Variants in PHEX observed in about 807,000 individuals in gnomAD.
PHEX encodes the protein phosphate regulating endopeptidase X-linked, also known as phosphate-regulating neutral endopeptidase PHEX.
Under a neutral mutation model 68.0 loss-of-function variants are expected in PHEX, and 16 were observed. The observed-to-expected ratio is 0.24, with a 90% CI of 0.16 to 0.36. The LOEUF (loss-of-function observed/expected upper bound fraction) is 0.36, where lower values mean the gene tolerates loss of function less well. Among genes scored for constraint, PHEX ranks in the 10% least tolerant of loss-of-function variants. The pLI, the probability that PHEX is intolerant of heterozygous loss-of-function variation, is 1.00. For missense variants in PHEX, 480 were observed against 575.5 expected (o/e 0.83, Z 1.70); for synonymous variants, 208 against 205.1 (o/e 1.01, Z -0.12).
intron 20 of PHEX, among the ~76,000 whole-genome samples, chrX:22,235,725 C>A (rs760314035): frequency 1.8e-5 from 2 of 111,033 alleles, no homozygotes; most frequent in African/African-American, 6.6e-5. Context: ...TCCCCATTAC[C>A]CTATCTTATC....
Position 22,071,482 on chromosome X carries a change from G to A in PHEX, c.350-4906G>A, listed in dbSNP as rs747459211. ...TTCCTTGTCAGGAATTCAACTCAGC[G>A]AACATTCACTAAGCACCAGCCATGC... On this transcript the variant is annotated intron_variant, in intron 3 of 21. Transcript: ENST00000379374. Among the ~76,000 whole-genome samples the A allele has an allele frequency of 2.1e-4, 23 of 111,654 alleles. No individual in the cohort carries two copies. In the East Asian group the frequency reaches 5.6e-3, roughly 27 times the overall value.
intron 3 of PHEX, among the ~76,000 whole-genome samples, chrX:22,055,859 C>T (rs1190575564): frequency 8.9e-6 from 1 of 112,183 alleles, no homozygotes; most frequent in African/African-American, 3.2e-5. Context: ...CGCTCCCAGA[C>T]AGGTTTTCTT....
chrX:22,244,275 GCC>G (rs1936322094), intron 20 of PHEX, among the ~76,000 whole-genome samples: 1 of 110,607 alleles, frequency 9.0e-6, no homozygotes, highest in African/African-American at 3.3e-5. Flanking sequence ...ACACACCAGG[GCC>G]TGTCCAGGGG....
chrX:22,119,596 CTTT>C (rs774763952), intron 11 of PHEX, among the ~76,000 whole-genome samples: 1 of 98,904 alleles, frequency 1.0e-5, no homozygotes, highest in Non-Finnish European at 2.1e-5. Context: ...TTTTCTTTTT[CTTT>C]TTTTTTTTTT....
intron 18 of PHEX, among the ~76,000 whole-genome samples, chrX:22,224,993 G>GATTTATTATCATACAGCGC: frequency 1.6e-3 from 161 of 98,941 alleles, no homozygotes; most frequent in Admixed American, 1.9e-3. Context: ...AGCTCTGTAT[G>GATTTATTATCATACAGCGC]TCAGAAGTCT....
At chrX:22,188,271 A>G (rs146625098) in intron 14 of PHEX, among the ~76,000 whole-genome samples, 1,810 of 110,963 alleles carry the variant, frequency 0.016, 39 homozygotes, top group African/African-American at 0.057. Context: ...TTTTCTTTTT[A>G]ATTTTTTTAG....
chrX:22,142,946 C>A (rs1424022328), intron 12 of PHEX, among the ~76,000 whole-genome samples: 1 of 112,538 alleles, frequency 8.9e-6, no homozygotes, highest in African/African-American at 3.2e-5. Flanking sequence ...TACCTAAGTG[C>A]AGATTATATC....
intron 15 of PHEX, among the ~76,000 whole-genome samples, chrX:22,192,312 CA>C (rs1934223779): frequency 9.0e-6 from 1 of 111,631 alleles, no homozygotes; most frequent in Non-Finnish European, 1.9e-5. Flanking sequence ...TACTATCTCC[CA>C]CCTGGATTAT....
Position 22,177,576 on chromosome X carries a change from T to A in PHEX, c.1483-697T>A. Reference sequence around the variant, plus strand: ...TAAAAAAGCAATTATGTCTGTTTCCTTGTCTTAATAGACAACATTGTTGTG... The same window carrying A: ...TAAAAAAGCAATTATGTCTGTTTCCATGTCTTAATAGACAACATTGTTGTG... On this transcript the variant is annotated intron_variant, in intron 13 of 21. Transcript: ENST00000379374. 2.7e-5 allele frequency among the ~76,000 whole-genome samples: 3 copies of A among 112,145 alleles called. No homozygotes were observed. The Middle Eastern group carries it at 0.014, about 517-fold the overall frequency.
intron 2 of PHEX, among the ~76,000 whole-genome samples, chrX:22,040,088 T>C (rs935879482): frequency 3.6e-5 from 4 of 111,800 alleles, no homozygotes; most frequent in African/African-American, 1.3e-4. Context: ...CCCTCCTAAA[T>C]CAGTGTTAGG....
In PHEX at chrX:22,032,371, T is replaced by C. The variant is rs1926840793; in HGVS notation, c.-635T>C. The C allele has an allele frequency of 8.8e-6, 1 of 113,870 alleles. No homozygotes were observed. Among genetic ancestry groups the C allele is most frequent in the African/African-American group, 3.3e-5 (1 of 30,542 alleles). The allele number at this position is 113,870 out of a possible 1,213,427, so 9.4% of individuals were successfully genotyped here. ...TGGACTATGACTGATTTTTGGCACA[T>C]GCTATCATACACAAAGTTCCTGAAA... On this transcript the variant is annotated 5_prime_UTR_variant, in exon 1 of 22. An upstream start codon of the reference 5' UTR is lost. Coordinates refer to ENST00000379374, the MANE Select transcript of PHEX (RefSeq NM_000444.6).
intron 3 of PHEX, among the ~76,000 whole-genome samples, chrX:22,067,772 C>T (rs1420896437): frequency 2.7e-5 from 3 of 111,065 alleles, no homozygotes; most frequent in African/African-American, 9.8e-5. Context: ...CCCAGACCTA[C>T]TGAATTAGAC....
chrX:22,221,658 C>T lies in PHEX; in HGVS notation c.1814C>T (p.Thr605Ile), dbSNP rs1344761290. 2.5e-6 allele frequency: 3 copies of T among 1,198,524 alleles called. No individual in the cohort carries two copies. Among genetic ancestry groups the T allele is most frequent in the Admixed American group, 2.2e-5 (1 of 46,021 alleles). The change falls in exon 18 of 22, where the codon ACT becomes ATT. Residue 605 changes from threonine (T) to isoleucine (I), a missense_variant. Transcript: ENST00000379374. Reference protein sequence around the residue: ...KNGNLDPWWSTESEEKFKEKT... With the variant: ...KNGNLDPWWSIESEEKFKEKT... The stretch of plus-strand genomic sequence containing the variant: ...GGAAACCTGGATCCTTGGTGGTCTA[C>T]TGAATCAGAAGAAAAGTTTAAGGAA...
At chrX:22,217,131 G>A (rs1443390479) in intron 16 of PHEX, among the ~76,000 whole-genome samples, 1 of 111,562 alleles carries the variant, frequency 9.0e-6, no homozygotes, top group African/African-American at 3.3e-5. Flanking sequence ...ATTGACTGAG[G>A]GATGTAGAGG....
chrX:22,067,854 C>T (rs372885802), intron 3 of PHEX, among the ~76,000 whole-genome samples: 2 of 106,504 alleles, frequency 1.9e-5, no homozygotes, highest in East Asian at 2.9e-4. Flanking sequence ...ATTTTTGAGA[C>T]GGAGTTTCAC....
intron 9 of PHEX, chrX:22,099,388 C>T: frequency 2.5e-6 from 1 of 392,700 alleles, no homozygotes; most frequent in South Asian, 3.7e-5. Flanking sequence ...CCATGCTGTT[C>T]TCTTTGAGAT....
rs1164944990 is a variant in PHEX at position 22,075,285 on chromosome X, CTT to C, written c.350-1083_350-1082del. ...AAAACTAGACAGGAGCTCTGGGTTG[CTT>C]TTTTTTTTTTTTTTTTTTTGAACTG... is the stretch of plus-strand genomic sequence containing the variant. On this transcript the variant is annotated intron_variant, in intron 3 of 21. Transcript: ENST00000379374. Among the ~76,000 whole-genome samples the C allele has an allele frequency of 3.0e-3, 190 of 62,335 alleles. 2 individuals carry two copies. The highest frequency in any genetic ancestry group is 0.011 in the African/African-American group (176 of 16,666). The allele number at this position is 62,335 out of a possible 115,157, so 54.1% of individuals were successfully genotyped here.
At position 22,067,937 on chromosome X, in the gene PHEX, A is replaced by C. The variant is rs73635598; in HGVS notation, c.350-8451A>C. 3.8e-3 allele frequency among the ~76,000 whole-genome samples: 411 copies of C among 109,159 alleles called. 1 individual carries two copies. The highest frequency in any genetic ancestry group is 0.013 in the African/African-American group (395 of 29,846). 94.8% of individuals were successfully genotyped at this position (109,159 alleles called of 115,157 possible). Reference sequence around the variant, plus strand: ...AACCTCAACCTTCCAGGTTCAAGTGATTCTCCTGACTCAGCCTCCCGAGTA... The same window carrying C: ...AACCTCAACCTTCCAGGTTCAAGTGCTTCTCCTGACTCAGCCTCCCGAGTA... On this transcript the variant is annotated intron_variant, in intron 3 of 21. Transcript: ENST00000379374.
chrX:22,178,189 T>G (rs1933767876), intron 13 of PHEX, 84 bp from the exon 14 acceptor site: 1 of 563,938 alleles, frequency 1.8e-6, no homozygotes, highest in Non-Finnish European at 3.0e-6. Flanking sequence ...CTCTGCTAGT[T>G]GCTCCTTCCT....
Sources: allele counts gnomAD v4.1 joint callset (sites outside exome capture counted in the v4.1 genomes callset), GRCh38; gene constraint gnomAD v4.1.1; transcripts MANE v1.5; gene names NCBI Gene and HGNC (gene_info 2026-07-23, HGNC 2026-07-21).